The following ATP2A2 variants were observed in gnomAD, a reference collection of about 807,000 sequenced individuals.
ATP2A2 encodes the protein sarcoplasmic/endoplasmic reticulum calcium ATPase 2.
Under a neutral mutation model 109.3 loss-of-function variants are expected in ATP2A2, and 14 were observed. The ratio of observed to expected loss-of-function variants is 0.13; its 90% CI spans 0.08 to 0.20. ATP2A2 has a LOEUF of 0.20. Ranked by LOEUF, ATP2A2 falls within the 10% of genes least tolerant of loss-of-function variation. The probability of loss-of-function intolerance (pLI) is 1.00; values close to 1 mark genes in which losing one functional copy is unlikely to be tolerated. For missense variants in ATP2A2, 657 were observed against 1,321.6 expected (o/e 0.50, Z 7.80); for synonymous variants, 506 against 490.9 (o/e 1.03, Z -0.41).
chr12:110,333,890 A>AAATGGCCTTACAGTGTTGTAAT lies in ATP2A2; in HGVS notation c.1288-120_1288-99dup, dbSNP rs568381892. ...GGTCACCTGTTTCAGAGGAGGATAA[A>AAATGGCCTTACAGTGTTGTAAT]AATGGCCTTACAGTGTTGTAATAGA... is the stretch of plus-strand genomic sequence containing the variant. On this transcript the variant is annotated intron_variant, in intron 10 of 19. Transcript: ENST00000539276. 9,504 of 1,295,034 alleles carry AAATGGCCTTACAGTGTTGTAAT rather than the reference A, an allele frequency of 7.3e-3. 43 individuals are homozygous for AAATGGCCTTACAGTGTTGTAAT. The highest frequency in any genetic ancestry group is 8.3e-3 in the Non-Finnish European group (7,564 of 914,638). 80.2% of individuals were successfully genotyped at this position (1,295,034 alleles called of 1,614,324 possible).
chr12:110,342,481 G>A lies in ATP2A2; in HGVS notation c.2318+33G>A, dbSNP rs567644013. 9.4e-6 allele frequency: 15 copies of A among 1,600,816 alleles called. No homozygotes were observed. The East Asian group carries it at 1.1e-4, about 12-fold the overall frequency. On this transcript the variant is annotated intron_variant, in intron 15 of 19. Coordinates refer to ENST00000539276, the MANE Select transcript of ATP2A2 (RefSeq NM_170665.4). The surrounding 1 kb of genome is among the most constrained non-coding windows in gnomAD (Gnocchi z 4.6). ...TCTGTGACAGCATCACTTACTGTACGCCTTTATCTAAATGGGTCATGGAGC... is the reference window on the plus strand; with the variant it reads ...TCTGTGACAGCATCACTTACTGTACACCTTTATCTAAATGGGTCATGGAGC...
intron 11 of ATP2A2, among the ~76,000 whole-genome samples, chr12:110,336,898 G>A (rs1192383594): frequency 2.0e-5 from 3 of 152,150 alleles, no homozygotes; most frequent in East Asian, 1.9e-4. Flanking sequence ...GCAGAGCCAC[G>A]CTGCCTGTGA....
intron 5 of ATP2A2, among the ~76,000 whole-genome samples, chr12:110,300,595 C>G (rs560257979): frequency 2.6e-5 from 4 of 151,504 alleles, no homozygotes; most frequent in Admixed American, 2.0e-4. Context: ...CCGCCTCAGC[C>G]TCCCAAAGTG....
At chr12:110,309,378 G>A (rs1483317233) in intron 5 of ATP2A2, among the ~76,000 whole-genome samples, 8 of 151,202 alleles carry the variant, frequency 5.3e-5, no homozygotes, top group South Asian at 2.1e-4. Context: ...GGCTGGTCTC[G>A]AACTCCTGGC....
intron 5 of ATP2A2, among the ~76,000 whole-genome samples, chr12:110,309,537 A>G (rs529225827): frequency 6.6e-6 from 1 of 152,272 alleles, no homozygotes; most frequent in South Asian, 2.1e-4. Context: ...GCAAATGCTA[A>G]TGTGAGTCTT....
At chr12:110,293,870 ATTTTTTTTTTTT>A (rs398021049) in intron 4 of ATP2A2, among the ~76,000 whole-genome samples, 4 of 73,342 alleles carry the variant, frequency 5.5e-5, no homozygotes, top group African/African-American at 1.2e-4. Context: ...GTGTGTATAT[ATTTTTTTTTTTT>A]TTTTTTTTTT....
In ATP2A2 at chr12:110,333,279, A is replaced by G; in HGVS notation, c.1283A>G (p.Asn428Ser). The change falls in exon 10 of 20, where the codon AAT becomes AGT. Residue 428 changes from asparagine (N) to serine (S), a missense_variant. By Grantham distance (46) the Asn-to-Ser change is conservative. Coordinates refer to ENST00000539276, the MANE Select transcript of ATP2A2 (RefSeq NM_170665.4). ...TGTAATGACTCTGCTTTGGATTACA[A>G]TGAGGTAAGTCTCTTCATAAATTAG... Reference protein sequence around the residue: ...ALCNDSALDYNEAKGVYEKVG... With the variant: ...ALCNDSALDYSEAKGVYEKVG... The G allele has an allele frequency of 1.2e-6, 2 of 1,608,490 alleles. No individual in the cohort carries two copies. The highest frequency in any genetic ancestry group is 8.5e-7 in the Non-Finnish European group (1 of 1,174,892).
intron 5 of ATP2A2, among the ~76,000 whole-genome samples, chr12:110,321,109 T>TC (rs1877198768): frequency 6.6e-6 from 1 of 152,168 alleles, no homozygotes; most frequent in African/African-American, 2.4e-5. Flanking sequence ...ACGCCTGTAG[T>TC]CCCGGTTGAT....
At chr12:110,343,472 A>G (rs975166320) in intron 16 of ATP2A2, 38 bp downstream of exon 16, 2 of 1,607,940 alleles carry the variant, frequency 1.2e-6, no homozygotes, top group Non-Finnish European at 1.7e-6. Flanking sequence ...TTTTTAAACA[A>G]AATGTTTGTG....
At chr12:110,302,649 G>A (rs1592812162) in intron 5 of ATP2A2, among the ~76,000 whole-genome samples, 2 of 151,784 alleles carry the variant, frequency 1.3e-5, no homozygotes, top group South Asian at 4.2e-4. Context: ...GTGCAGGCTG[G>A]AATGCAGTAG....
At chr12:110,338,813 G>A (rs1277326197) in intron 11 of ATP2A2, among the ~76,000 whole-genome samples, 1 of 152,176 alleles carries the variant, frequency 6.6e-6, no homozygotes, top group African/African-American at 2.4e-5. Flanking sequence ...TTAATGACCT[G>A]CTTCTACCAT....
At chr12:110,314,834 TAA>T (rs914739161) in intron 5 of ATP2A2, among the ~76,000 whole-genome samples, 1 of 151,820 alleles carries the variant, frequency 6.6e-6, no homozygotes, top group African/African-American at 2.4e-5. Context: ...ATGTTGTACA[TAA>T]AGAGATGTCC....
chr12:110,322,766 T>TAA (rs1282635347), intron 5 of ATP2A2, among the ~76,000 whole-genome samples: 1 of 152,232 alleles, frequency 6.6e-6, no homozygotes, highest in Non-Finnish European at 1.5e-5. Context: ...TAGGTTTCCT[T>TAA]AAGCCTCATT....
rs563136979 is a variant in ATP2A2, at chr12:110,349,274, T to G, written c.*2804T>G. The G allele has an allele frequency of 8.1e-6, 8 of 985,496 alleles. No individual in the cohort carries two copies. The East Asian group carries it at 7.9e-4, about 98-fold the overall frequency. 61.0% of individuals were successfully genotyped at this position (985,496 alleles called of 1,614,324 possible). A position where few individuals can be genotyped will look rare whatever the true frequency, so the allele number is the denominator to read the frequency against. ...ACATCCCTGGCCTCAGGCCCTCACC[T>G]AACAGTGAGGCAGCAGCTGCCCAGC... is the stretch of plus-strand genomic sequence containing the variant. On this transcript the variant is annotated 3_prime_UTR_variant, in exon 20 of 20. Coordinates refer to ENST00000539276, the MANE Select transcript of ATP2A2 (RefSeq NM_170665.4).
At position 110,348,147 on chromosome 12, in the gene ATP2A2, A is replaced by G; in HGVS notation, c.*1677A>G. The stretch of plus-strand genomic sequence containing the variant: ...TGAGGGTTCGCAGCTGCCAGGAGTC[A>G]TCCCAGAACATTGCTACTTATTTAT... On this transcript the variant is annotated 3_prime_UTR_variant, in exon 20 of 20. Coordinates refer to ENST00000539276, the MANE Select transcript of ATP2A2 (RefSeq NM_170665.4). 6.1e-6 allele frequency: 6 copies of G among 985,522 alleles called. No individual in the cohort carries two copies. The highest frequency in any genetic ancestry group is 7.2e-6 in the Non-Finnish European group (6 of 829,972). The allele number at this position is 985,522 out of a possible 1,614,324, so 61.0% of individuals were successfully genotyped here.
Position 110,343,365 on chromosome 12 carries a change from A to G in ATP2A2, c.2452A>G (p.Lys818Glu). ...CCCTCCTGATCTGGACATCATGAATAAACCTCCCCGGAACCCAAAGGAACC... is the reference window on the plus strand; with the variant it reads ...CCCTCCTGATCTGGACATCATGAATGAACCTCCCCGGAACCCAAAGGAACC... Reference protein sequence around the residue: ...FNPPDLDIMNKPPRNPKEPLI... With the variant: ...FNPPDLDIMNEPPRNPKEPLI... Residue 818 changes from lysine (K) to glutamate (E), a missense_variant, in exon 16 of 20, where the codon AAA becomes GAA. Lys to Glu is a moderately conservative substitution (Grantham distance 56). Around this residue, in one of 9 missense-constraint regions of ATP2A2, gnomAD observed 125 missense variants for 243.5 expected, o/e 0.51. Coordinates refer to ENST00000539276, the MANE Select transcript of ATP2A2 (RefSeq NM_170665.4). 1 of 1,614,218 alleles carries G rather than the reference A, an allele frequency of 6.2e-7. No homozygotes were observed. Among genetic ancestry groups the G allele is most frequent in the Non-Finnish European group, 8.5e-7 (1 of 1,180,054 alleles).
At position 110,344,961 on chromosome 12, in the gene ATP2A2, T is replaced by C. The variant is rs1282062910; in HGVS notation, c.2597T>C (p.Phe866Ser). 2.5e-6 allele frequency: 4 copies of C among 1,614,000 alleles called. No individual in the cohort carries two copies. The highest frequency in any genetic ancestry group is 1.1e-5 in the South Asian group (1 of 91,066). ...GCTGACGGTGGTCCAAGAGTGTCCT[T>C]CTACCAGCTGGTACTCAGTCACCTT... Reference protein sequence around the residue: ...IAADGGPRVSFYQLSHFLQCK... With the variant: ...IAADGGPRVSSYQLSHFLQCK... The change falls in exon 17 of 20, where the codon TTC becomes TCC. Residue 866 changes from phenylalanine (F) to serine (S), a missense_variant. Around this residue, in one of 9 missense-constraint regions of ATP2A2, gnomAD observed 125 missense variants for 243.5 expected, o/e 0.51. Transcript: ENST00000539276.
At chr12:110,336,348 C>T (rs942035787) in intron 11 of ATP2A2, among the ~76,000 whole-genome samples, 1 of 152,122 alleles carries the variant, frequency 6.6e-6, no homozygotes, top group East Asian at 1.9e-4. Flanking sequence ...AAAGGCAAGC[C>T]TCATTTAGCA....
chr12:110,292,559 A>G (rs996020696), intron 4 of ATP2A2, among the ~76,000 whole-genome samples: 3 of 152,154 alleles, frequency 2.0e-5, no homozygotes, highest in African/African-American at 7.2e-5. Flanking sequence ...GTGAGCCACC[A>G]TGCCCGGCCT....
Sources: gnomAD v4.1 joint callset for allele counts (sites outside exome capture counted in the v4.1 genomes callset) on GRCh38, gnomAD v4.1.1 for gene constraint, gnomAD v4.1.1 regional missense constraint, Gnocchi (gnomAD v3.1) non-coding constraint, MANE v1.5 for transcripts, NCBI Gene and HGNC (gene_info 2026-07-23, HGNC 2026-07-21) for gene names.